Variants in STARD7 observed in about 807,000 individuals in gnomAD.
STARD7 encodes the protein stAR-related lipid transfer protein 7, mitochondrial.
STARD7 carries 30 observed loss-of-function variants against 45.3 expected under a neutral mutation model. The observed-to-expected ratio is 0.66, with a 90% CI of 0.50 to 0.90. The LOEUF is 0.90. Ranked by LOEUF, STARD7 falls within the 40% of genes least tolerant of loss-of-function variation. STARD7 has a pLI of 0.00. For missense variants in STARD7, 495 were observed against 491.3 expected (o/e 1.01, Z -0.07); for synonymous variants, 199 against 183.0 (o/e 1.09, Z -0.70).
intron 1 of STARD7, among the ~76,000 whole-genome samples, chr2:96,197,105 A>AAACTAAACTAAACC (rs1558735872): frequency 4.2e-5 from 6 of 141,476 alleles, no homozygotes; most frequent in Non-Finnish European, 6.2e-5. Context: ...ATAAAATAAA[A>AAACTAAACTAAACC]TAAAATAAAA....
intron 1 of STARD7, among the ~76,000 whole-genome samples, chr2:96,196,130 CAA>C (rs1227881018): frequency 7.3e-6 from 1 of 137,432 alleles, no homozygotes; most frequent in Non-Finnish European, 1.6e-5. Flanking sequence ...AAAAAAAAAA[CAA>C]AAAACAAAAA....
At chr2:96,196,839 A>T (rs541092038) in intron 1 of STARD7, among the ~76,000 whole-genome samples, 11 of 151,650 alleles carry the variant, frequency 7.3e-5, no homozygotes, top group Non-Finnish European at 1.6e-4. Flanking sequence ...AGGCTGAGGC[A>T]GGCGATCACC....
Position 96,193,155 on chromosome 2 carries a change from T to G in STARD7, c.666A>C (p.Pro222=). 1 of 1,610,790 alleles carries G rather than the reference T, an allele frequency of 6.2e-7. No individual in the cohort carries two copies. The highest frequency in any genetic ancestry group is 1.1e-5 in the South Asian group (1 of 91,012). The change falls in exon 5 of 8, where the codon CCA becomes CCC. Residue 222 remains proline (P), a synonymous_variant. Transcript: ENST00000337288. ...CATAAACATAATCCCGTGAGTACAT[T>G]GGATACTAAAGAAATGGAGGAGCAG... is the stretch of plus-strand genomic sequence containing the variant. ...VLHWVTHFPY[P]MYSRDYVYVR...
At chr2:96,190,271 T>C (rs1683104924) in intron 6 of STARD7, among the ~76,000 whole-genome samples, 1 of 151,294 alleles carries the variant, frequency 6.6e-6, no homozygotes, top group Non-Finnish European at 1.5e-5. Context: ...TGACCAAAAC[T>C]GGAATCAATT....
Position 96,208,332 on chromosome 2 carries a change from C to T in STARD7, c.103G>A (p.Val35Met). 2 of 1,602,268 alleles carry T rather than the reference C, an allele frequency of 1.2e-6. No homozygotes were observed. ...NQCRFVTGLR[V>M]RRAQQIAQLY... The stretch of plus-strand genomic sequence containing the variant: ...TGCGCGATCTGCTGCGCGCGCCGCA[C>T]GCGCAGGCCCGTGACGAAGCGGCAC... Residue 35 changes from valine to methionine, a missense_variant, in exon 1 of 8, where the codon GTG (valine) becomes ATG (methionine). Coordinates refer to ENST00000337288, the MANE Select transcript of STARD7 (RefSeq NM_020151.4).
At chr2:96,190,584 T>C (rs1014506007) in intron 6 of STARD7, among the ~76,000 whole-genome samples, 1 of 152,098 alleles carries the variant, frequency 6.6e-6, no homozygotes, top group Admixed American at 6.6e-5. Context: ...GTTATCTACA[T>C]GCCTCGGCCT....
At chr2:96,195,109 T>G in intron 2 of STARD7, 102 bp from the exon 3 acceptor site, 2 of 1,082,646 alleles carry the variant, frequency 1.8e-6, no homozygotes, top group Non-Finnish European at 2.7e-6. Context: ...TAAGAGATCT[T>G]AAAGGCAGGT....
chr2:96,187,001 G>A, intron 7 of STARD7, 87 bp from the exon 8 acceptor site: 3 of 1,267,382 alleles, frequency 2.4e-6, no homozygotes, highest in Middle Eastern at 2.0e-4. Context: ...TGATGGTAGG[G>A]AACTAGTTCT....
At chr2:96,190,700 G>A in intron 6 of STARD7, among the ~76,000 whole-genome samples, 1 of 151,792 alleles carries the variant, frequency 6.6e-6, no homozygotes, top group South Asian at 2.1e-4. Context: ...GGCATGCAGT[G>A]GCACAAACAC....
Position 96,193,334 on chromosome 2 carries a change from T to C in STARD7, c.568A>G (p.Lys190Glu). 6.2e-7 allele frequency: 1 copy of C among 1,612,904 alleles called. No homozygotes were observed. The highest frequency in any genetic ancestry group is 8.5e-7 in the Non-Finnish European group (1 of 1,178,892). The change falls in exon 4 of 8, where the codon AAA becomes GAA. Residue 190 changes from lysine (K) to glutamate (E), a missense_variant. By Grantham distance (56) the Lys-to-Glu change is moderately conservative. Around this residue, in one of 2 missense-constraint regions of STARD7, gnomAD observed 213 missense variants for 271.2 expected, o/e 0.79. Transcript: ENST00000337288. ...TTGATTACCAGGGCATCCCATTTTT[T>C]TCTATACTCTGTGTCCAGCTGCAGA... ...FNVQLDTEYR[K>E]KWDALVIKLE...
Position 96,186,833 on chromosome 2 carries a change from G to A in STARD7, c.1010C>T (p.Ser337Leu). ...ACTACTCATTTCCAGAGGCTTAGCT[G>A]AGATGTAGTCCTTTACTTTAATCTC... ...NMEIKVKDYISAKPLEMSSEA... is the reference protein window; with the variant it reads ...NMEIKVKDYILAKPLEMSSEA... Residue 337 changes from serine to leucine, a missense_variant, in exon 8 of 8, where the codon TCA (serine) becomes TTA (leucine). By Grantham distance (145) the Ser-to-Leu change is moderately radical (BLOSUM62 -2). Transcript: ENST00000337288. 1 of 1,613,980 alleles carries A rather than the reference G, an allele frequency of 6.2e-7. No individual in the cohort carries two copies. The highest frequency in any genetic ancestry group is 8.5e-7 in the Non-Finnish European group (1 of 1,179,862).
At position 96,196,878 on chromosome 2, in the gene STARD7, C is replaced by T. The variant is rs1683218773; in HGVS notation, c.291-1329G>A. Among the ~76,000 whole-genome samples, 3 of 149,108 alleles carry T rather than the reference C, an allele frequency of 2.0e-5. No homozygotes were observed. The South Asian group carries it at 6.4e-4, about 32-fold the overall frequency. On this transcript the variant is annotated intron_variant, in intron 1 of 7. Transcript: ENST00000337288. ...GGTCAGGAGTTTGAGACCAGCCTAA[C>T]CAACGTGGAGAAACCCTGTCTCTAC... is the stretch of plus-strand genomic sequence containing the variant.
intron 1 of STARD7, among the ~76,000 whole-genome samples, chr2:96,203,920 C>T (rs1309668899): frequency 2.0e-5 from 3 of 152,050 alleles, no homozygotes; most frequent in South Asian, 4.1e-4. Context: ...AAGCCCAGAT[C>T]ACACCGCTGC....
intron 1 of STARD7, among the ~76,000 whole-genome samples, chr2:96,198,049 G>A (rs567531575): frequency 2.4e-4 from 36 of 152,110 alleles, no homozygotes; most frequent in South Asian, 8.3e-4. Context: ...CTGGCCGGAC[G>A]TAGTGACTCA....
intron 1 of STARD7, among the ~76,000 whole-genome samples, chr2:96,201,409 T>TAAAAAAAAAAAAAAA (rs60808208): frequency 9.4e-4 from 103 of 109,562 alleles, no homozygotes; most frequent in Middle Eastern, 4.3e-3. Flanking sequence ...ACTCCACCTC[T>TAAAAAAAAAAAAAAA]AAAAAAAAAA....
At chr2:96,192,269 GTTCCT>G in intron 6 of STARD7, 95 bp downstream of exon 6, 1 of 972,054 alleles carries the variant, frequency 1.0e-6, no homozygotes, top group South Asian at 1.3e-5. Flanking sequence ...AGCGAGAACT[GTTCCT>G]GCGCCACACC....
rs762110716 is a variant in STARD7 at position 96,186,748 on chromosome 2, A to G, written c.1095T>C (p.Ala365=). The G allele has an allele frequency of 1.9e-6, 3 of 1,611,808 alleles. No homozygotes were observed. Among genetic ancestry groups the G allele is most frequent in the Non-Finnish European group, 2.5e-6 (3 of 1,179,164 alleles). ...AAGCCTGTCAAGCATACTCAATCCGAGCAGGGCCACAGCTGCCCTCGTTCT... is the reference window on the plus strand; with the variant it reads ...AAGCCTGTCAAGCATACTCAATCCGGGCAGGGCCACAGCTGCCCTCGTTCT... The part of the protein sequence containing the change: ...ERKNEGSCGP[A]RIEYA Residue 365 remains alanine (A), a synonymous_variant, in exon 8 of 8, where the codon GCT becomes GCC. Coordinates refer to ENST00000337288, the MANE Select transcript of STARD7 (RefSeq NM_020151.4).
intron 1 of STARD7, among the ~76,000 whole-genome samples, chr2:96,201,561 C>T (rs1215671946): frequency 1.3e-5 from 2 of 151,692 alleles, no homozygotes; most frequent in Non-Finnish European, 2.9e-5. Context: ...GCACTCCAGC[C>T]TGGCAACAGA....
At chr2:96,196,882 C>T (rs549533595) in intron 1 of STARD7, among the ~76,000 whole-genome samples, 3 of 151,414 alleles carry the variant, frequency 2.0e-5, no homozygotes, top group East Asian at 2.0e-4. Context: ...GCCTAACCAA[C>T]GTGGAGAAAC....
Sources: allele counts gnomAD v4.1 joint callset (sites outside exome capture counted in the v4.1 genomes callset), GRCh38; gene constraint gnomAD v4.1.1; regional missense constraint gnomAD v4.1.1; transcripts MANE v1.5; gene names NCBI Gene and HGNC (gene_info 2026-07-23, HGNC 2026-07-21).